Variants in TBC1D8 observed in about 807,000 individuals in gnomAD.
TBC1D8 encodes TBC1 domain family member 8, also known as BUB2-like protein 1.
In TBC1D8, 65 loss-of-function variants were observed where a neutral mutation model predicts 118.8. That is an observed-to-expected ratio of 0.55 (90% CI 0.45 to 0.67). TBC1D8 has a LOEUF of 0.67. TBC1D8 is among the 30% of genes least tolerant of loss of function. The probability of loss-of-function intolerance (pLI) is 0.00; values close to 1 mark genes in which losing one functional copy is unlikely to be tolerated. For missense variants in TBC1D8, 1,376 were observed against 1,471.2 expected (o/e 0.94, Z 1.06); for synonymous variants, 566 against 595.8 (o/e 0.95, Z 0.73).
intron 1 of TBC1D8, among the ~76,000 whole-genome samples, chr2:101,129,513 G>A (rs1678494200): frequency 6.6e-6 from 1 of 152,162 alleles, no homozygotes; most frequent in African/African-American, 2.4e-5. Flanking sequence ...ACAGTCGCCA[G>A]CCCAGAACAA....
chr2:101,050,995 A>G (rs1410267353), intron 4 of TBC1D8, among the ~76,000 whole-genome samples: 1 of 152,150 alleles, frequency 6.6e-6, no homozygotes, highest in Non-Finnish European at 1.5e-5. Flanking sequence ...CCCACTTCTA[A>G]GTGGAAACAT....
intron 1 of TBC1D8, among the ~76,000 whole-genome samples, chr2:101,098,921 A>T (rs919647980): frequency 5.9e-5 from 9 of 152,156 alleles, no homozygotes; most frequent in Non-Finnish European, 2.9e-5. Flanking sequence ...GAAAGATCTC[A>T]AATCAATACC....
intron 5 of TBC1D8, among the ~76,000 whole-genome samples, chr2:101,041,895 C>T (rs1254958687): frequency 6.6e-6 from 1 of 151,704 alleles, no homozygotes; most frequent in Non-Finnish European, 1.5e-5. Context: ...TGTGTTGGTT[C>T]ACACCTGTAG....
At chr2:101,132,443 T>A (rs756596340) in intron 1 of TBC1D8, among the ~76,000 whole-genome samples, 2 of 152,236 alleles carry the variant, frequency 1.3e-5, no homozygotes, top group Non-Finnish European at 2.9e-5. Flanking sequence ...CAGTACAGTA[T>A]GTATTCTGTG....
chr2:101,054,588 G>C (rs1346312358), intron 3 of TBC1D8, among the ~76,000 whole-genome samples: 2 of 151,026 alleles, frequency 1.3e-5, no homozygotes, highest in Non-Finnish European at 2.9e-5. Flanking sequence ...CTCTCACTCG[G>C]CCACTTACCG....
chr2:101,090,112 T>G, intron 2 of TBC1D8, 97 bp downstream of exon 2: 1 of 1,337,938 alleles, frequency 7.5e-7, no homozygotes. Context: ...GATGAGGGAG[T>G]TATCCAAAGG....
At chr2:101,059,711 C>T (rs561967162) in intron 2 of TBC1D8, among the ~76,000 whole-genome samples, 172 bp from the exon 3 acceptor site, 59 of 152,318 alleles carry the variant, frequency 3.9e-4, no homozygotes, top group Non-Finnish European at 7.5e-4. Flanking sequence ...GAGACCAAGG[C>T]AGGCGGATCA....
rs1272030343 is a variant in TBC1D8 at position 101,029,524 on chromosome 2, T to TTGC, written c.2186_2188dup (p.Ser729dup). On this transcript the variant is annotated inframe_insertion, in exon 12 of 20. Coordinates refer to ENST00000409318, the MANE Select transcript of TBC1D8 (RefSeq NM_001330348.2). ...GATCATCAAGGCCTGGCCATCATCCTTGCTGCTGCACAGGTCCTCAGCATT... is the reference window on the plus strand; with the variant it reads ...GATCATCAAGGCCTGGCCATCATCCTTGCTGCTGCTGCACAGGTCCTCAGCATT... The TTGC allele has an allele frequency of 6.2e-7, 1 of 1,613,778 alleles. No homozygotes were observed. Among genetic ancestry groups the TTGC allele is most frequent in the Non-Finnish European group, 8.5e-7 (1 of 1,179,850 alleles).
intron 3 of TBC1D8, 136 bp from the exon 4 acceptor site, chr2:101,054,472 TGAC>T: frequency 1.2e-6 from 1 of 813,512 alleles, no homozygotes. Flanking sequence ...CAGACACACC[TGAC>T]GAGGAGAATG....
intron 17 of TBC1D8, among the ~76,000 whole-genome samples, chr2:101,013,602 T>C (rs1247104163): frequency 6.6e-6 from 1 of 152,256 alleles, no homozygotes; most frequent in Non-Finnish European, 1.5e-5. Flanking sequence ...CTCCAACAGA[T>C]ACCACCAGCA....
intron 1 of TBC1D8, chr2:101,109,893 CTT>C (rs1316160445): frequency 4.1e-6 from 4 of 985,400 alleles, no homozygotes; most frequent in African/African-American, 3.5e-5. Context: ...CCGGCAAACT[CTT>C]TGCTGCATCT....
chr2:101,012,599 G>A (rs1224020053), intron 17 of TBC1D8, among the ~76,000 whole-genome samples: 1 of 146,262 alleles, frequency 6.8e-6, no homozygotes. Flanking sequence ...ATTGATTGTG[G>A]TGATCGCTGC....
At chr2:101,057,430 C>G (rs1218970720) in intron 3 of TBC1D8, among the ~76,000 whole-genome samples, 1 of 152,260 alleles carries the variant, frequency 6.6e-6, no homozygotes, top group Non-Finnish European at 1.5e-5. Flanking sequence ...TACAAATGCA[C>G]TGTTCTTTGC....
chr2:101,147,538 G>A (rs1265955019), intron 1 of TBC1D8, among the ~76,000 whole-genome samples: 1 of 152,104 alleles, frequency 6.6e-6, no homozygotes, highest in Non-Finnish European at 1.5e-5. Flanking sequence ...ACAAGTAATA[G>A]CCATTCTAAC....
chr2:101,092,148 C>T (rs1171821939), intron 1 of TBC1D8, among the ~76,000 whole-genome samples: 2 of 152,238 alleles, frequency 1.3e-5, no homozygotes, highest in African/African-American at 4.8e-5. Context: ...CTTTGGACTA[C>T]GTGGGTCTGG....
intron 1 of TBC1D8, among the ~76,000 whole-genome samples, chr2:101,122,482 T>C (rs1240259457): frequency 1.3e-5 from 2 of 151,960 alleles, no homozygotes; most frequent in African/African-American, 4.8e-5. Flanking sequence ...TTTTCATTTA[T>C]TTTTCCAATT....
At chr2:101,089,924 T>TA (rs766232083) in intron 2 of TBC1D8, among the ~76,000 whole-genome samples, 1,667 of 115,986 alleles carry the variant, frequency 0.014, 54 homozygotes, top group Admixed American at 0.07. Flanking sequence ...TCGATGGTTT[T>TA]TAAAAAAAAA....
chr2:101,032,833 T>G (rs1680751882), intron 10 of TBC1D8: 1 of 164,558 alleles, frequency 6.1e-6, no homozygotes. Flanking sequence ...TGGCTGCTGC[T>G]TTAATGGACT....
intron 1 of TBC1D8, among the ~76,000 whole-genome samples, chr2:101,099,511 G>C (rs990611967): frequency 2.0e-5 from 3 of 152,134 alleles, no homozygotes; most frequent in African/African-American, 7.2e-5. Context: ...CTCATTTTAC[G>C]AAGCCAGCAT....
Sources: allele counts gnomAD v4.1 joint callset (sites outside exome capture counted in the v4.1 genomes callset), GRCh38; gene constraint gnomAD v4.1.1; transcripts MANE v1.5; gene names NCBI Gene and HGNC (gene_info 2026-07-23, HGNC 2026-07-21).